SMARCC1: variants seen among roughly 807,000 people sequenced by gnomAD.
SMARCC1 encodes SWI/SNF complex subunit SMARCC1.
A neutral mutation model predicts 147.4 loss-of-function variants in SMARCC1; 43 were observed. That is an observed-to-expected ratio of 0.29 (90% CI 0.23 to 0.38). The LOEUF (loss-of-function observed/expected upper bound fraction) is 0.38, where lower values mean the gene tolerates loss of function less well. Ranked by LOEUF, SMARCC1 falls within the 10% of genes least tolerant of loss-of-function variation. The pLI is 1.00. For synonymous variants in SMARCC1, 495 were observed against 484.4 expected (o/e 1.02, Z -0.29); for missense variants, 1,119 against 1,381.1 (o/e 0.81, Z 3.01).
At chr3:47,646,193 T>C (rs554107614) in intron 21 of SMARCC1, among the ~76,000 whole-genome samples, 1 of 152,352 alleles carries the variant, frequency 6.6e-6, no homozygotes, top group East Asian at 1.9e-4. Flanking sequence ...TGTGCATTTC[T>C]CAAGATGCTA....
At chr3:47,598,166 C>A (rs978044132) in intron 26 of SMARCC1, among the ~76,000 whole-genome samples, 1 of 152,108 alleles carries the variant, frequency 6.6e-6, no homozygotes, top group African/African-American at 2.4e-5. Flanking sequence ...AAAAGCAATG[C>A]TTTGTTTTCC....
intron 2 of SMARCC1, among the ~76,000 whole-genome samples, chr3:47,772,191 G>A (rs1415687613): frequency 6.6e-6 from 1 of 152,174 alleles, no homozygotes; most frequent in Admixed American, 6.6e-5. Flanking sequence ...AAAAATTTGA[G>A]ACCAGCCTGG....
chr3:47,660,271 C>A (rs961535851), intron 21 of SMARCC1, among the ~76,000 whole-genome samples: 1 of 151,586 alleles, frequency 6.6e-6, no homozygotes, highest in South Asian at 2.1e-4. Flanking sequence ...ATGGTGAAAC[C>A]CTGTCTCTAC....
intron 2 of SMARCC1, among the ~76,000 whole-genome samples, chr3:47,752,665 T>C (rs1176022416): frequency 1.3e-5 from 2 of 152,042 alleles, no homozygotes; most frequent in East Asian, 3.9e-4. Flanking sequence ...CATGGTAGGA[T>C]GTACCTCCCA....
At chr3:47,666,859 T>C (rs2033426762) in intron 19 of SMARCC1, among the ~76,000 whole-genome samples, 1 of 152,234 alleles carries the variant, frequency 6.6e-6, no homozygotes, top group Admixed American at 6.5e-5. Flanking sequence ...GAAGATTTAC[T>C]ATGCATCTTA....
At chr3:47,643,954 G>A (rs2033084622) in intron 21 of SMARCC1, among the ~76,000 whole-genome samples, 1 of 152,176 alleles carries the variant, frequency 6.6e-6, no homozygotes, top group South Asian at 2.1e-4. Flanking sequence ...ACTCTGGAAG[G>A]CTGGTGTGGG....
intron 27 of SMARCC1, 113 bp downstream of exon 27, chr3:47,590,548 T>C (rs564404432): frequency 2.3e-6 from 2 of 864,038 alleles, no homozygotes; most frequent in South Asian, 2.4e-5. Flanking sequence ...TGTCACAGAC[T>C]GCATCATCCA....
intron 1 of SMARCC1, among the ~76,000 whole-genome samples, chr3:47,773,411 T>C (rs2034939018): frequency 6.7e-6 from 1 of 148,788 alleles, no homozygotes; most frequent in Non-Finnish European, 1.5e-5. Flanking sequence ...CCTGTGTTTT[T>C]TACCAAAAAA....
intron 25 of SMARCC1, among the ~76,000 whole-genome samples, chr3:47,611,392 A>G (rs1014403105): frequency 7.2e-5 from 11 of 152,242 alleles, no homozygotes; most frequent in African/African-American, 2.4e-4. Flanking sequence ...GGTGATGCAC[A>G]GTAAAATTTG....
At chr3:47,660,357 A>G (rs567832191) in intron 21 of SMARCC1, among the ~76,000 whole-genome samples, 17 of 151,356 alleles carry the variant, frequency 1.1e-4, no homozygotes, top group Admixed American at 9.9e-4. Context: ...GAAGCAGGAA[A>G]ATGGCGTGAA....
intron 19 of SMARCC1, among the ~76,000 whole-genome samples, chr3:47,665,328 A>G (rs1055192299): frequency 6.6e-6 from 1 of 152,172 alleles, no homozygotes; most frequent in African/African-American, 2.4e-5. Flanking sequence ...TTTTTGAAAG[A>G]TCCAGATTGT....
At chr3:47,589,265 G>A (rs995230641) in intron 27 of SMARCC1, among the ~76,000 whole-genome samples, 2 of 152,158 alleles carry the variant, frequency 1.3e-5, no homozygotes, top group Non-Finnish European at 2.9e-5. Flanking sequence ...CCAGAGCACT[G>A]ACTTATGGCA....
chr3:47,615,493 G>A (rs1052689335), intron 25 of SMARCC1, among the ~76,000 whole-genome samples: 1 of 152,086 alleles, frequency 6.6e-6, no homozygotes, highest in African/African-American at 2.4e-5. Context: ...ATCTTACCTT[G>A]ATAATCTGAG....
At chr3:47,598,692 T>C (rs2032337295) in intron 26 of SMARCC1, among the ~76,000 whole-genome samples, 1 of 151,382 alleles carries the variant, frequency 6.6e-6, no homozygotes, top group Admixed American at 6.6e-5. Flanking sequence ...CAGCTGTGTG[T>C]GGTGGTATAT....
intron 1 of SMARCC1, among the ~76,000 whole-genome samples, chr3:47,777,619 C>T (rs1258303438): frequency 6.6e-6 from 1 of 151,964 alleles, no homozygotes; most frequent in Non-Finnish European, 1.5e-5. Flanking sequence ...CCTCCACCTC[C>T]CAGGTTTGAG....
intron 5 of SMARCC1, among the ~76,000 whole-genome samples, chr3:47,731,392 C>A (rs1210355831): frequency 1.3e-5 from 2 of 152,180 alleles, no homozygotes; most frequent in Non-Finnish European, 2.9e-5. Context: ...TCAAAGTCAA[C>A]CATGAGGGTC....
At chr3:47,601,589 C>T (rs1220123206) in intron 26 of SMARCC1, 1 of 151,298 alleles carries the variant, frequency 6.6e-6, no homozygotes, top group African/African-American at 2.5e-5. Flanking sequence ...GGGTAACCTG[C>T]TACTCCGGAA....
At position 47,706,480 on chromosome 3, in the gene SMARCC1, T is replaced by C; in HGVS notation, c.969A>G (p.Arg323=). Residue 323 remains arginine, a synonymous_variant, in exon 10 of 28, where the codon CGA becomes CGG. Coordinates refer to ENST00000254480, the MANE Select transcript of SMARCC1 (RefSeq NM_003074.4). ...RRDRKASANA[R]KRKHSPSPPP... is the part of the protein sequence containing the mutation. ...GAGGCGAAGGCGAATGTTTCCTCTT[T>C]CGAGCATTAGCTGATGCTTTTCTAT... The C allele has an allele frequency of 6.3e-7, 1 of 1,583,086 alleles. No individual in the cohort carries two copies. Among genetic ancestry groups the C allele is most frequent in the Non-Finnish European group, 8.6e-7 (1 of 1,168,390 alleles).
intron 24 of SMARCC1, among the ~76,000 whole-genome samples, chr3:47,632,680 G>GA: frequency 6.6e-6 from 1 of 151,700 alleles, no homozygotes; most frequent in Non-Finnish European, 1.5e-5. Flanking sequence ...ATAATAGGAA[G>GA]AAAAAACCAT....
Sources: gnomAD v4.1 joint callset for allele counts (sites outside exome capture counted in the v4.1 genomes callset) on GRCh38, gnomAD v4.1.1 for gene constraint, MANE v1.5 for transcripts, NCBI Gene and HGNC (gene_info 2026-07-23, HGNC 2026-07-21) for gene names.